Variants in PDE1C observed in about 807,000 individuals in gnomAD.
The protein encoded by PDE1C is dual specificity calcium/calmodulin-dependent 3',5'-cyclic nucleotide phosphodiesterase 1C.
A neutral mutation model predicts 93.1 loss-of-function variants in PDE1C; 62 were observed. That is an observed-to-expected ratio of 0.67 (90% CI 0.54 to 0.82). PDE1C has a LOEUF of 0.82. Ranked by LOEUF, PDE1C falls within the 40% of genes least tolerant of loss-of-function variation. The pLI, the probability that PDE1C is intolerant of heterozygous loss-of-function variation, is 0.00. For missense variants in PDE1C, 742 were observed against 884.6 expected, an observed-to-expected ratio of 0.84 and a Z score of 2.04; for synonymous variants, 325 against 310.1, an observed-to-expected ratio of 1.05 and a Z score of -0.50.
At chr7:32,233,446 C>G (rs1412279745) in intron 1 of PDE1C, among the ~76,000 whole-genome samples, 4 of 152,016 alleles carry the variant, frequency 2.6e-5, no homozygotes, top group Middle Eastern at 3.2e-3. Context: ...AAATTCATCT[C>G]AAATATTATG....
intron 3 of PDE1C, among the ~76,000 whole-genome samples, chr7:32,091,333 G>A (rs778740598): frequency 2.6e-5 from 4 of 152,160 alleles, no homozygotes; most frequent in Admixed American, 1.3e-4. Flanking sequence ...TAAAAGACAT[G>A]AACATAATAG....
chr7:32,016,388 T>A (rs542264525), intron 2 of PDE1C, among the ~76,000 whole-genome samples: 10 of 152,330 alleles, frequency 6.6e-5, no homozygotes, highest in African/African-American at 1.9e-4. Flanking sequence ...GAGTAACCTA[T>A]CAATTATAAA....
chr7:31,746,460 T>C (rs1337738638), downstream of PDE1C, among the ~76,000 whole-genome samples: 1 of 152,018 alleles, frequency 6.6e-6, no homozygotes, highest in Non-Finnish European at 1.5e-5. Context: ...CAGCAAGTCA[T>C]TAGGAGTGCA....
intron 1 of PDE1C, among the ~76,000 whole-genome samples, chr7:32,234,953 A>G (rs1807966215): frequency 6.6e-6 from 1 of 152,088 alleles, no homozygotes. Context: ...GTTCAGTATT[A>G]GAAAATCAAT....
chr7:31,873,432 G>T (rs1411989882), intron 5 of PDE1C, 24 bp from the exon 6 acceptor site: 3 of 1,443,138 alleles, frequency 2.1e-6, no homozygotes, highest in Non-Finnish European at 2.9e-6. Flanking sequence ...TGGGGAGAAA[G>T]AACACATTAG....
At chr7:32,252,140 C>G (rs1178869291) in intron 1 of PDE1C, among the ~76,000 whole-genome samples, 2 of 152,230 alleles carry the variant, frequency 1.3e-5, no homozygotes, top group East Asian at 1.9e-4. Flanking sequence ...CTCCTCCTCT[C>G]TGACCTGCTT....
At chr7:32,267,329 T>C (rs756986709) in intron 1 of PDE1C, among the ~76,000 whole-genome samples, 4 of 152,140 alleles carry the variant, frequency 2.6e-5, no homozygotes, top group Admixed American at 2.0e-4. Context: ...CTCTGGAGTT[T>C]GGGAGATGTC....
chr7:32,167,571 AAGCGATG>A (rs1802378594), intron 3 of PDE1C, among the ~76,000 whole-genome samples: 2 of 152,146 alleles, frequency 1.3e-5, no homozygotes. Flanking sequence ...ATAACAGGAT[AAGCGATG>A]ATTCTTGAAC....
chr7:32,416,287 T>A (rs75297695), intron 1 of PDE1C, among the ~76,000 whole-genome samples: 4 of 152,136 alleles, frequency 2.6e-5, no homozygotes, highest in African/African-American at 7.2e-5. Flanking sequence ...GCTCAGGGAA[T>A]GCCCCGGACG....
intron 5 of PDE1C, among the ~76,000 whole-genome samples, chr7:31,877,333 G>T (rs1434126226): frequency 6.6e-6 from 1 of 152,132 alleles, no homozygotes; most frequent in East Asian, 1.9e-4. Context: ...AGGTAATTCT[G>T]CAGGATTTAG....
chr7:32,086,389 T>G (rs78381037), intron 3 of PDE1C, among the ~76,000 whole-genome samples: 5 of 152,226 alleles, frequency 3.3e-5, no homozygotes, highest in Admixed American at 3.3e-4. Context: ...TCCATGTTCA[T>G]GGGTAGGAAG....
intron 2 of PDE1C, among the ~76,000 whole-genome samples, chr7:32,205,530 A>C (rs1465472950): frequency 6.6e-6 from 1 of 152,202 alleles, no homozygotes; most frequent in Non-Finnish European, 1.5e-5. Flanking sequence ...AAAACGGACC[A>C]ATCAGCACTC....
chr7:32,405,067 A>G (rs886122752), intron 1 of PDE1C, among the ~76,000 whole-genome samples: 5 of 151,964 alleles, frequency 3.3e-5, no homozygotes, highest in Non-Finnish European at 5.9e-5. Context: ...AAGTGTTTCC[A>G]TTTCCTTTGC....
chr7:31,981,475 C>A (rs1812368741), intron 2 of PDE1C, among the ~76,000 whole-genome samples: 1 of 152,168 alleles, frequency 6.6e-6, no homozygotes, highest in Non-Finnish European at 1.5e-5. Context: ...TAATTAATCT[C>A]CTTTCTACTG....
intron 16 of PDE1C, among the ~76,000 whole-genome samples, chr7:31,781,374 G>A (rs1209258555): frequency 2.6e-5 from 4 of 152,062 alleles, no homozygotes; most frequent in Non-Finnish European, 5.9e-5. Context: ...CAGGGCAGAG[G>A]AGGATGCTGA....
At chr7:31,652,122 T>C in the PDE1C span, 8 of 1,079,154 alleles carry the variant, frequency 7.4e-6, no homozygotes, top group Non-Finnish European at 1.1e-5. Flanking sequence ...ATGAGAAACT[T>C]GATTGTGCAA....
chr7:31,958,806 C>A (rs1375414007), intron 2 of PDE1C, among the ~76,000 whole-genome samples: 1 of 152,188 alleles, frequency 6.6e-6, no homozygotes, highest in East Asian at 1.9e-4. Context: ...GCAAAGAAAT[C>A]TTCCCCTGGA....
At chr7:32,275,974 A>G (rs1402836114) in intron 1 of PDE1C, among the ~76,000 whole-genome samples, 1 of 152,260 alleles carries the variant, frequency 6.6e-6, no homozygotes, top group Non-Finnish European at 1.5e-5. Flanking sequence ...TCGAGTTGGC[A>G]TACTTTAATT....
chr7:32,228,794 G>A (rs917411135), intron 1 of PDE1C, among the ~76,000 whole-genome samples: 1 of 152,132 alleles, frequency 6.6e-6, no homozygotes, highest in African/African-American at 2.4e-5. Context: ...CCTTCTTCCA[G>A]GGAGGAACTC....
Sources: allele counts gnomAD v4.1 joint callset (sites outside exome capture counted in the v4.1 genomes callset), GRCh38; gene constraint gnomAD v4.1.1; transcripts MANE v1.5; gene names NCBI Gene and HGNC (gene_info 2026-07-23, HGNC 2026-07-21).